The following PIK3C2A variants were observed in gnomAD, a reference collection of about 807,000 sequenced individuals.
PIK3C2A encodes phosphatidylinositol 4-phosphate 3-kinase C2 domain-containing subunit alpha.
Under a neutral mutation model 204.5 loss-of-function variants are expected in PIK3C2A, and 97 were observed. That is an observed-to-expected ratio of 0.47 (90% CI 0.40 to 0.56). PIK3C2A has a LOEUF of 0.56. Ranked by LOEUF, PIK3C2A falls within the 20% of genes least tolerant of loss-of-function variation. The pLI is 0.00. For synonymous variants in PIK3C2A, 653 were observed against 664.4 expected, an observed-to-expected ratio of 0.98 and a Z score of 0.26; for missense variants, 1,735 against 1,969.2, an observed-to-expected ratio of 0.88 and a Z score of 2.25.
intron 19 of PIK3C2A, among the ~76,000 whole-genome samples, chr11:17,115,202 T>C (rs368662454): frequency 1.3e-5 from 2 of 151,886 alleles, no homozygotes; most frequent in South Asian, 2.1e-4. Context: ...GGACTTACAT[T>C]GTCCAATTTC....
At position 17,135,149 on chromosome 11, in the gene PIK3C2A, A is replaced by C; in HGVS notation, c.1859T>G (p.Leu620Trp). The change falls in exon 10 of 33, where the codon TTG (leucine) becomes TGG (tryptophan). Residue 620 changes from leucine (L) to tryptophan (W), a missense_variant. Physicochemically the swap from Leu to Trp is moderately conservative, Grantham distance 61. Transcript: ENST00000691414. ...CCTGCTAGTGTCTTCTCCTCCAAACAAAGAAGTCACCTACACATGCACACA... is the reference window on the plus strand; with the variant it reads ...CCTGCTAGTGTCTTCTCCTCCAAACCAAGAAGTCACCTACACATGCACACA... ...PRSKTADVTS[L>W]FGGEDTSRSS... The C allele has an allele frequency of 6.2e-7, 1 of 1,614,100 alleles. No homozygotes were observed. Among genetic ancestry groups the C allele is most frequent in the Non-Finnish European group, 8.5e-7 (1 of 1,179,984 alleles).
intron 1 of PIK3C2A, among the ~76,000 whole-genome samples, chr11:17,184,717 T>C (rs1052315038): frequency 6.6e-6 from 1 of 152,096 alleles, no homozygotes; most frequent in East Asian, 1.9e-4. Flanking sequence ...AGAGGATCCT[T>C]AAGCCCAGGA....
chr11:17,125,522 G>GT lies in PIK3C2A; in HGVS notation c.2400-2710dup, dbSNP rs200970133. Among the ~76,000 whole-genome samples, 295 of 150,660 alleles carry GT rather than the reference G, an allele frequency of 2.0e-3. 1 individual carries two copies. Among genetic ancestry groups the GT allele is most frequent in the East Asian group, 0.013 (64 of 5,096 alleles). On this transcript the variant is annotated intron_variant, in intron 13 of 32. Coordinates refer to ENST00000691414, the MANE Select transcript of PIK3C2A (RefSeq NM_002645.4). ...CATCTATTATCTAAAGATTTTCACT[G>GT]TTTTTTTTTGAGATGGAGTCTCGTT...
At chr11:17,171,251 C>T (rs1205901419) in intron 1 of PIK3C2A, among the ~76,000 whole-genome samples, 1 of 152,056 alleles carries the variant, frequency 6.6e-6, no homozygotes, top group Non-Finnish European at 1.5e-5. Context: ...CTCTCATTGG[C>T]CTTGGGCATA....
chr11:17,110,303 G>GT lies in PIK3C2A; in HGVS notation c.3544+128dup, dbSNP rs1190547585. On this transcript the variant is annotated intron_variant, in intron 22 of 32. Transcript: ENST00000691414. ...AATTATGAGCAACTGAATCAATAAA[G>GT]TAACACTGGATTAAAATAAGAAACA... 12 of 649,976 alleles carry GT rather than the reference G, an allele frequency of 1.8e-5. No individual in the cohort carries two copies. The East Asian group carries it at 3.5e-4, about 19-fold the overall frequency. 40.3% of individuals were successfully genotyped at this position (649,976 alleles called of 1,614,324 possible).
At chr11:17,169,958 G>C (rs1048317876) in intron 1 of PIK3C2A, among the ~76,000 whole-genome samples, 152 bp from the exon 2 acceptor site, 3 of 152,162 alleles carry the variant, frequency 2.0e-5, no homozygotes, top group Admixed American at 6.5e-5. Context: ...CTGGGTGAAG[G>C]AACACTTAAC....
chr11:17,174,106 G>A (rs1025151552), intron 1 of PIK3C2A, among the ~76,000 whole-genome samples: 35 of 152,066 alleles, frequency 2.3e-4, no homozygotes, highest in African/African-American at 5.8e-4. Context: ...GATTACAGGC[G>A]TGAACCACCT....
Position 17,150,550 on chromosome 11 carries a change from C to G in PIK3C2A, c.1275G>C (p.Lys425Asn). Reference protein sequence around the residue: ...RNICGENASVKVSIDIEGFQL... With the variant: ...RNICGENASVNVSIDIEGFQL... ...GAAATCCTTCAATGTCAATGGAGAC[C>G]TTCACACTAGCATTTTCTCCGCATA... The change falls in exon 4 of 33, where the codon AAG becomes AAC. Residue 425 changes from lysine to asparagine, a missense_variant. Lys to Asn is a moderately conservative substitution (Grantham distance 94, BLOSUM62 0). Coordinates refer to ENST00000691414, the MANE Select transcript of PIK3C2A (RefSeq NM_002645.4). 1 of 1,611,184 alleles carries G rather than the reference C, an allele frequency of 6.2e-7. No individual in the cohort carries two copies. Among genetic ancestry groups the G allele is most frequent in the Middle Eastern group, 1.7e-4 (1 of 6,056 alleles).
intron 3 of PIK3C2A, among the ~76,000 whole-genome samples, chr11:17,154,671 C>T (rs1850524999): frequency 6.6e-6 from 1 of 151,992 alleles, no homozygotes; most frequent in African/African-American, 2.4e-5. Flanking sequence ...TTCTTCTCTG[C>T]TACTGAGACC....
intron 28 of PIK3C2A, 76 bp from the exon 29 acceptor site, chr11:17,092,352 A>G: frequency 1.3e-6 from 1 of 755,710 alleles, no homozygotes; most frequent in East Asian, 2.4e-5. Context: ...TTTCATATAT[A>G]CTTAAAGACA....
rs1269770499 is a variant in PIK3C2A at position 17,188,606 on chromosome 11, T to A, written c.-65-18800A>T. Reference sequence around the variant, plus strand: ...GGAGGTAAAGCTGAGTAGTCTAATGTGCTGGAAAAAGAATTACAAGGAGCC... The same window carrying A: ...GGAGGTAAAGCTGAGTAGTCTAATGAGCTGGAAAAAGAATTACAAGGAGCC... On this transcript the variant is annotated intron_variant, in intron 1 of 32. Transcript: ENST00000691414. 2.7e-5 allele frequency among the ~76,000 whole-genome samples: 4 copies of A among 146,744 alleles called. No individual in the cohort carries two copies. The East Asian group carries it at 7.7e-4, about 28-fold the overall frequency.
At chr11:17,177,399 A>T (rs771779126) in intron 1 of PIK3C2A, among the ~76,000 whole-genome samples, 1 of 152,212 alleles carries the variant, frequency 6.6e-6, no homozygotes, top group Non-Finnish European at 1.5e-5. Context: ...ACTAGAGAAC[A>T]TAAGACACCA....
chr11:17,145,139 T>G (rs1488171674), intron 8 of PIK3C2A, among the ~76,000 whole-genome samples: 4 of 152,084 alleles, frequency 2.6e-5, no homozygotes, highest in African/African-American at 4.8e-5. Context: ...ACTTGAACTT[T>G]TGGGTTAATG....
intron 1 of PIK3C2A, among the ~76,000 whole-genome samples, chr11:17,207,458 A>G (rs979820758): frequency 6.6e-6 from 1 of 152,200 alleles, no homozygotes; most frequent in Non-Finnish European, 1.5e-5. Context: ...TGCCAAGAAA[A>G]TAGGACCGGC....
chr11:17,145,540 T>G, intron 8 of PIK3C2A, 128 bp downstream of exon 8: 2 of 604,302 alleles, frequency 3.3e-6, no homozygotes, highest in Non-Finnish European at 5.8e-6. Flanking sequence ...ATTTTCTTTA[T>G]AAATTAAAAA....
chr11:17,201,277 C>T (rs1852363339), intron 1 of PIK3C2A, among the ~76,000 whole-genome samples: 1 of 151,718 alleles, frequency 6.6e-6, no homozygotes, highest in South Asian at 2.1e-4. Context: ...GCCTGTCATC[C>T]CAGCACTTCA....
intron 19 of PIK3C2A, among the ~76,000 whole-genome samples, 178 bp from the exon 20 acceptor site, chr11:17,114,643 T>C (rs1231940655): frequency 6.6e-6 from 1 of 152,212 alleles, no homozygotes; most frequent in African/African-American, 2.4e-5. Context: ...GCTATAAATA[T>C]AGTGGGCAAA....
intron 9 of PIK3C2A, among the ~76,000 whole-genome samples, chr11:17,135,395 C>A (rs961451580): frequency 6.6e-6 from 1 of 152,094 alleles, no homozygotes; most frequent in Non-Finnish European, 1.5e-5. Context: ...AGAAACACAA[C>A]AAAATCTGCT....
intron 16 of PIK3C2A, 138 bp from the exon 17 acceptor site, chr11:17,119,451 CT>C: frequency 1.5e-6 from 1 of 655,068 alleles, no homozygotes; most frequent in East Asian, 2.8e-5. Flanking sequence ...TGTATTTCTT[CT>C]TTTTGTAAGA....
Sources: allele counts gnomAD v4.1 joint callset (sites outside exome capture counted in the v4.1 genomes callset), GRCh38; gene constraint gnomAD v4.1.1; transcripts MANE v1.5; gene names NCBI Gene and HGNC (gene_info 2026-07-23, HGNC 2026-07-21).